GOLM1: variants seen among roughly 807,000 people sequenced by gnomAD.
GOLM1 encodes the protein golgi membrane protein 1, also known as epididymis luminal protein 46.
GOLM1 carries 31 observed loss-of-function variants against 50.5 expected under a neutral mutation model. The observed-to-expected ratio is 0.61, with a 90% CI of 0.46 to 0.83. The LOEUF (loss-of-function observed/expected upper bound fraction) is 0.83. GOLM1 is among the 40% of genes least tolerant of loss of function. The pLI is 0.00. For synonymous variants in GOLM1, 178 were observed against 192.8 expected (o/e 0.92, Z 0.64); for missense variants, 491 against 501.3 (o/e 0.98, Z 0.20).
At chr9:86,069,180 A>C (rs922122356) in intron 3 of GOLM1, among the ~76,000 whole-genome samples, 1 of 151,584 alleles carries the variant, frequency 6.6e-6, no homozygotes. Flanking sequence ...CTCAATAGCT[A>C]ATTTCTGAGT....
intron 1 of GOLM1, among the ~76,000 whole-genome samples, chr9:86,083,407 G>A (rs1834847014): frequency 6.6e-6 from 1 of 152,126 alleles, no homozygotes; most frequent in Non-Finnish European, 1.5e-5. Flanking sequence ...TTTCTGAGAT[G>A]GGAGTCTTGC....
chr9:86,041,509 C>T (rs947481174), intron 5 of GOLM1, among the ~76,000 whole-genome samples: 9 of 152,164 alleles, frequency 5.9e-5, no homozygotes, highest in Non-Finnish European at 1.2e-4. Flanking sequence ...GGGAGCCTAA[C>T]GATGCACTGG....
chr9:86,053,930 G>A (rs1380250186), intron 3 of GOLM1, among the ~76,000 whole-genome samples: 1 of 151,834 alleles, frequency 6.6e-6, no homozygotes, highest in Non-Finnish European at 1.5e-5. Flanking sequence ...CTGCCTCAGA[G>A]CTCAAACTCC....
At chr9:86,044,045 A>G (rs1833452309) in intron 5 of GOLM1, among the ~76,000 whole-genome samples, 1 of 152,178 alleles carries the variant, frequency 6.6e-6, no homozygotes, top group Non-Finnish European at 1.5e-5. Flanking sequence ...CAACCTTAGC[A>G]CTGTATATGT....
At chr9:86,082,229 C>CGT in intron 1 of GOLM1, among the ~76,000 whole-genome samples, 1 of 151,404 alleles carries the variant, frequency 6.6e-6, no homozygotes, top group Non-Finnish European at 1.5e-5. Context: ...GAAGTTCCCC[C>CGT]ATTAGCCAGG....
chr9:86,035,653 C>T (rs566560864), intron 7 of GOLM1, 28 bp from the exon 8 acceptor site: 4 of 1,414,880 alleles, frequency 2.8e-6, no homozygotes, highest in Admixed American at 4.4e-5. Context: ...TTAGCTGTGA[C>T]CTTGCCAGCA....
At chr9:86,054,249 C>T (rs955875657) in intron 3 of GOLM1, among the ~76,000 whole-genome samples, 2 of 151,830 alleles carry the variant, frequency 1.3e-5, no homozygotes, top group African/African-American at 4.8e-5. Context: ...AAGCACCCCA[C>T]ATCTACTCAC....
chr9:86,037,140 C>T (rs1008674333), intron 6 of GOLM1, among the ~76,000 whole-genome samples: 12 of 152,378 alleles, frequency 7.9e-5, no homozygotes, highest in African/African-American at 1.4e-4. Context: ...GACAGCCAGG[C>T]GCGGTGGCGC....
Position 86,033,305 on chromosome 9 carries a change from G to GC in GOLM1, c.1105dup (p.Ala369GlyfsTer4). 1 of 1,607,430 alleles carries GC rather than the reference G, an allele frequency of 6.2e-7. No individual in the cohort carries two copies. Among genetic ancestry groups the GC allele is most frequent in the Non-Finnish European group, 8.5e-7 (1 of 1,173,886 alleles). On this transcript the variant is annotated frameshift_variant, in exon 9 of 10. Coordinates refer to ENST00000388712, the MANE Select transcript of GOLM1 (RefSeq NM_016548.4). LOFTEE classifies it high-confidence loss of function. ...ACCATCTATGTTTCTGTCATTCCCT[G>GC]CCAGGGCTGCTTGCTTGTCTGTCTC...
intron 1 of GOLM1, among the ~76,000 whole-genome samples, chr9:86,082,834 ATTCTAGATGT>A (rs1263532296): frequency 6.6e-6 from 1 of 152,240 alleles, no homozygotes; most frequent in African/African-American, 2.4e-5. Flanking sequence ...TATAGCCGCT[ATTCTAGATGT>A]TTCTAGATGC....
At chr9:86,094,986 C>T (rs35394763) in intron 1 of GOLM1, among the ~76,000 whole-genome samples, 65,751 of 150,452 alleles carry the variant, frequency 0.44, 16,112 homozygotes, top group Non-Finnish European at 0.57. Flanking sequence ...GGGAGGCTGA[C>T]GCAGGAGAAT....
At chr9:86,035,262 G>C (rs1833096561) in intron 8 of GOLM1, 106 bp downstream of exon 8, 1 of 1,531,318 alleles carries the variant, frequency 6.5e-7, no homozygotes, top group Non-Finnish European at 8.8e-7. Context: ...GTGGACTGCT[G>C]TTTGGTAAAA....
chr9:86,075,634 C>A (rs137940810), intron 3 of GOLM1, among the ~76,000 whole-genome samples: 1 of 152,234 alleles, frequency 6.6e-6, no homozygotes, highest in Admixed American at 6.5e-5. Context: ...CACCAAACCA[C>A]AGCTAAAATC....
intron 5 of GOLM1, among the ~76,000 whole-genome samples, chr9:86,045,659 C>T (rs1251192444): frequency 6.9e-6 from 1 of 144,120 alleles, no homozygotes; most frequent in Non-Finnish European, 1.5e-5. Flanking sequence ...TGGGGGACAG[C>T]GAGACTCCGC....
chr9:86,026,518 G>T lies in GOLM1; in HGVS notation c.*1299C>A. ...CCAGCTAGATGCTCTGTAACTTCTA[G>T]GCCCCATTTTCCCCTCTGAAAATAA... On this transcript the variant is annotated 3_prime_UTR_variant, in exon 10 of 10. Transcript: ENST00000388712. 1.1e-6 allele frequency: 1 copy of T among 885,034 alleles called. No individual in the cohort carries two copies. The highest frequency in any genetic ancestry group is 1.4e-6 in the Non-Finnish European group (1 of 738,344). 54.8% of individuals were successfully genotyped at this position (885,034 alleles called of 1,614,324 possible).
chr9:86,053,732 C>CACAACACGCCACACACCA (rs1833895891), intron 3 of GOLM1, among the ~76,000 whole-genome samples: 2 of 2,598 alleles, frequency 7.7e-4, no homozygotes, highest in East Asian at 6.9e-3. Flanking sequence ...GACTGCTCCA[C>CACAACACGCCACACACCA]TCCACACACA....
intron 3 of GOLM1, among the ~76,000 whole-genome samples, chr9:86,072,316 A>T (rs1834472671): frequency 6.6e-6 from 1 of 152,196 alleles, no homozygotes; most frequent in African/African-American, 2.4e-5. Flanking sequence ...CTTATTATTC[A>T]TCTGACCTCT....
chr9:86,030,010 G>A (rs1242314889), intron 9 of GOLM1, among the ~76,000 whole-genome samples: 9 of 152,040 alleles, frequency 5.9e-5, no homozygotes, highest in Admixed American at 5.2e-4. Context: ...TCAGGATTTC[G>A]AGACCAGCCT....
chr9:86,065,483 G>A (rs1834282211), intron 3 of GOLM1, among the ~76,000 whole-genome samples: 1 of 152,208 alleles, frequency 6.6e-6, no homozygotes. Flanking sequence ...TCCCCCAGAA[G>A]ACAATCATTA....
Sources: allele counts gnomAD v4.1 joint callset (sites outside exome capture counted in the v4.1 genomes callset), GRCh38; gene constraint gnomAD v4.1.1; transcripts MANE v1.5; gene names NCBI Gene and HGNC (gene_info 2026-07-23, HGNC 2026-07-21).